HNMT: variants seen among roughly 807,000 people sequenced by gnomAD.
The protein encoded by HNMT is histamine N-methyltransferase.
A neutral mutation model predicts 32.1 loss-of-function variants in HNMT; 30 were observed. The observed-to-expected ratio is 0.93, with a 90% CI of 0.70 to 1.27. HNMT has a LOEUF of 1.27. Among genes scored for constraint, HNMT ranks in the 50% most tolerant of loss-of-function variants. The pLI, the probability that HNMT is intolerant of heterozygous loss-of-function variation, is 0.00. For synonymous variants in HNMT, 125 were observed against 119.0 expected (o/e 1.05, Z -0.33); for missense variants, 327 against 346.0 (o/e 0.95, Z 0.43).
intron 2 of HNMT, among the ~76,000 whole-genome samples, chr2:137,984,559 T>C (rs537419745): frequency 2.1e-4 from 32 of 152,310 alleles, no homozygotes; most frequent in African/African-American, 7.7e-4. Flanking sequence ...AATGGATCCT[T>C]AGTGGATGTA....
intron 4 of HNMT, 198 bp downstream of exon 4, chr2:138,002,392 G>A (rs1291654997): frequency 3.0e-6 from 3 of 1,004,392 alleles, no homozygotes; most frequent in Non-Finnish European, 3.7e-6. Flanking sequence ...CCAAAAACCA[G>A]TTTTCTCTAA....
intron 5 of HNMT, among the ~76,000 whole-genome samples, chr2:138,009,791 G>C (rs1176342466): frequency 6.6e-6 from 1 of 152,034 alleles, no homozygotes; most frequent in Non-Finnish European, 1.5e-5. Flanking sequence ...TCAGTGGAAA[G>C]AAAACAAGTT....
chr2:138,000,383 A>T (rs921176234), intron 2 of HNMT, among the ~76,000 whole-genome samples: 10 of 152,186 alleles, frequency 6.6e-5, no homozygotes, highest in African/African-American at 2.2e-4. Flanking sequence ...TGAACAGGTA[A>T]TAGTGTTTAT....
chr2:137,990,488 C>G (rs1680785380), intron 2 of HNMT, among the ~76,000 whole-genome samples: 2 of 152,086 alleles, frequency 1.3e-5, no homozygotes, highest in African/African-American at 4.8e-5. Flanking sequence ...ATTCATATAG[C>G]TTTATAGTAA....
intron 2 of HNMT, among the ~76,000 whole-genome samples, chr2:137,973,001 GTTC>G (rs1010824214): frequency 6.6e-6 from 1 of 152,160 alleles, no homozygotes; most frequent in Non-Finnish European, 1.5e-5. Context: ...AACTCTTGGA[GTTC>G]TTCTGACTGA....
At chr2:137,982,084 A>T (rs543336390) in intron 2 of HNMT, among the ~76,000 whole-genome samples, 31 of 152,298 alleles carry the variant, frequency 2.0e-4, no homozygotes, top group African/African-American at 7.0e-4. Context: ...CCTGGCCTCA[A>T]GTGATCCACC....
At chr2:137,967,135 A>G (rs748299793) in intron 1 of HNMT, 14 of 779,106 alleles carry the variant, frequency 1.8e-5, no homozygotes, top group Middle Eastern at 2.3e-4. Flanking sequence ...TACTGGCCAG[A>G]TGTGTTGGTT....
At chr2:137,992,540 C>T (rs1297447119) in intron 2 of HNMT, among the ~76,000 whole-genome samples, 1 of 152,160 alleles carries the variant, frequency 6.6e-6, no homozygotes, top group African/African-American at 2.4e-5. Context: ...CAGCCAGAGG[C>T]TCAGGGACAG....
chr2:138,001,879 A>G (rs920338024), intron 3 of HNMT, among the ~76,000 whole-genome samples, 185 bp from the exon 4 acceptor site: 10 of 152,092 alleles, frequency 6.6e-5, no homozygotes, highest in African/African-American at 2.4e-4. Context: ...TTTCACCTCT[A>G]ATTTCATTAA....
At position 138,015,216 on chromosome 2, in the gene HNMT, T is replaced by C. The variant is rs1681627526; in HGVS notation, c.*1086T>C. On this transcript the variant is annotated 3_prime_UTR_variant, in exon 6 of 6. Transcript: ENST00000280097. ...TCTTATTTTTAATAATAACGCTCTG[T>C]TATTTTTGACATAAACAGTACATTT... The C allele has an allele frequency of 6.6e-6, 1 of 152,086 alleles. No homozygotes were observed. Among genetic ancestry groups the C allele is most frequent in the African/African-American group, 2.4e-5 (1 of 41,450 alleles). 9.4% of individuals were successfully genotyped at this position (152,086 alleles called of 1,614,324 possible).
At chr2:137,976,482 G>A (rs1437229417) in intron 2 of HNMT, among the ~76,000 whole-genome samples, 1 of 152,128 alleles carries the variant, frequency 6.6e-6, no homozygotes, top group Admixed American at 6.6e-5. Context: ...TCACCTTCTA[G>A]AAAAGAGGTA....
At chr2:138,012,956 C>G (rs372422408) in intron 5 of HNMT, among the ~76,000 whole-genome samples, 14 of 152,094 alleles carry the variant, frequency 9.2e-5, no homozygotes, top group African/African-American at 3.1e-4. Context: ...CACCTCTGCC[C>G]TTATGCGCCA....
intron 2 of HNMT, among the ~76,000 whole-genome samples, chr2:137,988,060 A>G (rs1680703722): frequency 6.6e-6 from 1 of 152,176 alleles, no homozygotes; most frequent in Non-Finnish European, 1.5e-5. Flanking sequence ...TAAAGGAAAG[A>G]GGGTAGAATG....
At chr2:138,006,917 C>CT (rs1291586747) in intron 5 of HNMT, among the ~76,000 whole-genome samples, 1 of 151,836 alleles carries the variant, frequency 6.6e-6, no homozygotes, top group African/African-American at 2.4e-5. Flanking sequence ...AATCAGTTAG[C>CT]TTTTTTTGAA....
intron 2 of HNMT, among the ~76,000 whole-genome samples, chr2:137,990,019 T>C (rs541511350): frequency 4.6e-5 from 7 of 152,310 alleles, no homozygotes; most frequent in African/African-American, 1.4e-4. Context: ...TCTTTTCAAT[T>C]ATTTTCTTTC....
At chr2:137,965,142 C>T (rs1436645812) in intron 1 of HNMT, among the ~76,000 whole-genome samples, 1 of 152,106 alleles carries the variant, frequency 6.6e-6, no homozygotes, top group South Asian at 2.1e-4. Context: ...TCAAAATTGT[C>T]TTTTTCTTTC....
At position 138,005,193 on chromosome 2, in the gene HNMT, C is replaced by T. The variant is rs1681293324; in HGVS notation, c.491C>T (p.Thr164Ile). 2.5e-6 allele frequency: 4 copies of T among 1,599,332 alleles called. No homozygotes were observed. The African/African-American group carries it at 5.4e-5, about 21-fold the overall frequency. Residue 164 changes from threonine to isoleucine, a missense_variant, in exon 5 of 6, where the codon ACC becomes ATC. By Grantham distance (89) the Thr-to-Ile change is moderately conservative. Coordinates refer to ENST00000280097, the MANE Select transcript of HNMT (RefSeq NM_006895.3). ...TLKFFHSLLG[T>I]NAKMLIIVVS... ...AAATTCTTCCATAGTCTCTTAGGTA[C>T]CAATGCTAAGATGCTCATTATTGTT...
intron 2 of HNMT, among the ~76,000 whole-genome samples, chr2:137,973,800 AT>A (rs1269969046): frequency 2.0e-5 from 3 of 150,836 alleles, no homozygotes; most frequent in Non-Finnish European, 3.0e-5. Flanking sequence ...GGTCTATTTG[AT>A]TTTTTTCAGA....
chr2:137,978,507 G>A (rs1573648796), intron 2 of HNMT, among the ~76,000 whole-genome samples: 1 of 120,452 alleles, frequency 8.3e-6, no homozygotes, highest in South Asian at 2.8e-4. Context: ...CAATACATAT[G>A]ATTATATAAT....
Sources: allele counts gnomAD v4.1 joint callset (sites outside exome capture counted in the v4.1 genomes callset), GRCh38; gene constraint gnomAD v4.1.1; transcripts MANE v1.5; gene names NCBI Gene and HGNC (gene_info 2026-07-23, HGNC 2026-07-21).